RPS6KA2: variants seen among roughly 807,000 people sequenced by gnomAD.
RPS6KA2 encodes ribosomal protein S6 kinase A2, also known as ribosomal protein S6 kinase alpha-2.
RPS6KA2 carries 42 observed loss-of-function variants against 91.8 expected under a neutral mutation model. The observed-to-expected ratio is 0.46, with a 90% confidence interval of 0.36 to 0.59. The LOEUF is 0.59. RPS6KA2 is among the 20% of genes least tolerant of loss of function. RPS6KA2 has a pLI of 0.00. For missense variants in RPS6KA2, 798 were observed against 978.5 expected (o/e 0.82, Z 2.46); for synonymous variants, 414 against 393.6 (o/e 1.05, Z -0.61).
Position 166,852,511 on chromosome 6 carries a change from G to T in RPS6KA2, c.123+5689C>A, listed in dbSNP as rs1032090891. Reference sequence around the variant, plus strand: ...GCAACGTGGCCGCACAGGCGGTTTAGCCTGTCCCGGGCCATATCCTGCTGG... The same window carrying T: ...GCAACGTGGCCGCACAGGCGGTTTATCCTGTCCCGGGCCATATCCTGCTGG... On this transcript the variant is annotated intron_variant, in intron 2 of 21. Transcript: ENST00000503859. The surrounding 1 kb of genome is among the most constrained non-coding windows in gnomAD (Gnocchi z 4.1). Among the ~76,000 whole-genome samples the T allele has an allele frequency of 1.3e-5, 2 of 152,206 alleles. No individual in the cohort carries two copies. Among genetic ancestry groups the T allele is most frequent in the Non-Finnish European group, 2.9e-5 (2 of 68,022 alleles).
intron 10 of RPS6KA2, among the ~76,000 whole-genome samples, chr6:166,480,479 TTATATA>T (rs3066214): frequency 0.022 from 2,244 of 99,734 alleles, 72 homozygotes; most frequent in Non-Finnish European, 0.03. Context: ...GATTGTGATT[TTATATA>T]TATATATATA....
chr6:166,528,201 A>C (rs1220239291), intron 3 of RPS6KA2, among the ~76,000 whole-genome samples: 1 of 152,228 alleles, frequency 6.6e-6, no homozygotes, highest in Non-Finnish European at 1.5e-5. Context: ...TATTTTGAAG[A>C]GATAGCTGTA....
intron 1 of RPS6KA2, among the ~76,000 whole-genome samples, chr6:166,550,514 G>A (rs755525945): frequency 8.5e-5 from 13 of 152,102 alleles, no homozygotes; most frequent in Non-Finnish European, 1.5e-4. Flanking sequence ...GATTCCTCCC[G>A]TGCATGAACA....
At chr6:166,725,506 C>G (rs919115500) in intron 2 of RPS6KA2, among the ~76,000 whole-genome samples, 2 of 152,238 alleles carry the variant, frequency 1.3e-5, no homozygotes, top group Non-Finnish European at 2.9e-5. Context: ...CCTCCGAGAG[C>G]CCACAGCAGG....
At chr6:166,761,625 C>T (rs1383405182) in intron 2 of RPS6KA2, among the ~76,000 whole-genome samples, 1 of 152,206 alleles carries the variant, frequency 6.6e-6, no homozygotes, top group Non-Finnish European at 1.5e-5. Context: ...AGACCATCAG[C>T]GTCTCAGCCT....
intron 14 of RPS6KA2, among the ~76,000 whole-genome samples, chr6:166,436,332 A>AC (rs1004091213): frequency 3.3e-5 from 5 of 152,002 alleles, no homozygotes; most frequent in African/African-American, 1.2e-4. Flanking sequence ...AAAAAAAAAA[A>AC]AACCTCAGAT....
chr6:166,537,436 C>T (rs564440152), intron 2 of RPS6KA2, among the ~76,000 whole-genome samples: 2 of 152,336 alleles, frequency 1.3e-5, no homozygotes, highest in East Asian at 1.9e-4. Flanking sequence ...TCTTCATCCC[C>T]CTATTTCATA....
intron 2 of RPS6KA2, among the ~76,000 whole-genome samples, chr6:166,703,836 T>C (rs1050765131): frequency 1.3e-5 from 2 of 151,374 alleles, no homozygotes; most frequent in Non-Finnish European, 2.9e-5. Flanking sequence ...CTTTAAGGGA[T>C]TTTTTCCACT....
intron 1 of RPS6KA2, among the ~76,000 whole-genome samples, chr6:166,550,064 T>C (rs891524142): frequency 6.6e-6 from 1 of 152,216 alleles, no homozygotes; most frequent in Admixed American, 6.5e-5. Flanking sequence ...ATGTATATGA[T>C]GATTACCGTG....
intron 10 of RPS6KA2, among the ~76,000 whole-genome samples, chr6:166,478,884 A>G (rs1306969654): frequency 6.6e-6 from 1 of 152,134 alleles, no homozygotes; most frequent in Non-Finnish European, 1.5e-5. Flanking sequence ...CGGTGCTGGT[A>G]TTACCCTCAG....
At chr6:166,429,525 A>G (rs889677970) in intron 16 of RPS6KA2, among the ~76,000 whole-genome samples, 4 of 152,292 alleles carry the variant, frequency 2.6e-5, no homozygotes, top group African/African-American at 9.6e-5. Flanking sequence ...ATCTTGGCTC[A>G]TTGCAACCTC....
At chr6:166,741,133 C>T (rs942129269) in intron 2 of RPS6KA2, among the ~76,000 whole-genome samples, 10 of 152,246 alleles carry the variant, frequency 6.6e-5, no homozygotes, top group South Asian at 4.1e-4. Context: ...TGCAGAAAAA[C>T]ATGTACAGTA....
At chr6:166,686,579 T>C (rs191885472) in intron 2 of RPS6KA2, among the ~76,000 whole-genome samples, 1 of 152,304 alleles carries the variant, frequency 6.6e-6, no homozygotes. Flanking sequence ...CCCATGTGGC[T>C]TAGCTTTCCT....
intron 1 of RPS6KA2, among the ~76,000 whole-genome samples, chr6:166,551,934 G>A (rs1049011703): frequency 6.6e-6 from 1 of 152,228 alleles, no homozygotes; most frequent in Non-Finnish European, 1.5e-5. Flanking sequence ...TTTCAAGTGA[G>A]GCGACAAACT....
chr6:166,683,028 C>G (rs998320982), intron 2 of RPS6KA2, among the ~76,000 whole-genome samples: 88 of 152,176 alleles, frequency 5.8e-4, no homozygotes, highest in African/African-American at 2.1e-3. Context: ...AGCTGATGGA[C>G]GTCAGATGGG....
At chr6:166,600,363 G>A (rs146923111) in intron 1 of RPS6KA2, among the ~76,000 whole-genome samples, 7 of 152,336 alleles carry the variant, frequency 4.6e-5, no homozygotes, top group East Asian at 1.9e-4. Context: ...GGGCAGAGAC[G>A]ATGTCTGTCT....
intron 19 of RPS6KA2, among the ~76,000 whole-genome samples, chr6:166,417,144 T>C (rs1778561009): frequency 6.6e-6 from 1 of 152,226 alleles, no homozygotes; most frequent in African/African-American, 2.4e-5. Flanking sequence ...GGTCATAAAC[T>C]GTGTGGACTG....
rs561526193 is a variant in RPS6KA2, at chr6:166,732,709, G to A, written c.123+125491C>T. 1.3e-5 allele frequency among the ~76,000 whole-genome samples: 2 copies of A among 152,208 alleles called. No individual in the cohort carries two copies. Among genetic ancestry groups the A allele is most frequent in the African/African-American group, 4.8e-5 (2 of 41,444 alleles). On this transcript the variant is annotated intron_variant, in intron 2 of 21. Coordinates refer to the RPS6KA2 transcript ENST00000503859. This position sits in a 1 kb window ranked among gnomAD's most constrained non-coding sequence, Gnocchi z 4.0. ...TCGGAGCTCCCACAGATGATGTTAG[G>A]TGCAGAGATGGGGGTGCACCCAGGG... is the stretch of plus-strand genomic sequence containing the variant.
intron 1 of RPS6KA2, among the ~76,000 whole-genome samples, chr6:166,551,980 G>C (rs954110313): frequency 6.6e-6 from 1 of 152,166 alleles, no homozygotes; most frequent in Non-Finnish European, 1.5e-5. Flanking sequence ...CTTGCAGACC[G>C]CCTTCCGACA....
Sources: gnomAD v4.1 joint callset for allele counts (sites outside exome capture counted in the v4.1 genomes callset) on GRCh38, gnomAD v4.1.1 for gene constraint, Gnocchi (gnomAD v3.1) non-coding constraint, MANE v1.5 for transcripts, NCBI Gene and HGNC (gene_info 2026-07-23, HGNC 2026-07-21) for gene names.